The following IL6ST variants were observed in gnomAD, a reference collection of about 807,000 sequenced individuals.
The protein encoded by IL6ST is interleukin-6 receptor subunit beta.
Under a neutral mutation model 91.3 loss-of-function variants are expected in IL6ST, and 24 were observed. The observed-to-expected ratio is 0.26, with a 90% confidence interval of 0.19 to 0.37. The LOEUF (loss-of-function observed/expected upper bound fraction) is 0.37, where lower values mean the gene tolerates loss of function less well. Among genes scored for constraint, IL6ST ranks in the 10% least tolerant of loss-of-function variants. IL6ST has a pLI of 1.00. For synonymous variants in IL6ST, 351 were observed against 373.6 expected (o/e 0.94, Z 0.70); for missense variants, 914 against 1,078.5 (o/e 0.85, Z 2.14).
chr5:55,981,254 G>A (rs1040372107), intron 2 of IL6ST, among the ~76,000 whole-genome samples: 4 of 152,182 alleles, frequency 2.6e-5, no homozygotes, highest in South Asian at 4.1e-4. Flanking sequence ...TATGGGACTT[G>A]ATTTCATAGT....
intron 8 of IL6ST, chr5:55,959,675 T>C (rs1331586226): frequency 1.6e-6 from 2 of 1,289,364 alleles, no homozygotes; most frequent in Non-Finnish European, 2.0e-6. Context: ...TCAAGTGCTA[T>C]TAGAAAAAAA....
In IL6ST at chr5:55,960,578, C is replaced by T; in HGVS notation, c.814-17G>A. ...AGGAGGAATCTGAAACAAAGCAAAC[C>T]AAACAACAGAAAACCTCAATTAGTA... On this transcript the variant is annotated splice_polypyrimidine_tract_variant and intron_variant, in intron 7 of 16. Transcript: ENST00000381298. The T allele has an allele frequency of 6.3e-7, 1 of 1,598,272 alleles. No homozygotes were observed. The highest frequency in any genetic ancestry group is 2.2e-5 in the East Asian group (1 of 44,710).
chr5:55,952,745 G>A (rs995396700), intron 11 of IL6ST, among the ~76,000 whole-genome samples: 26 of 152,066 alleles, frequency 1.7e-4, no homozygotes, highest in African/African-American at 4.8e-5. Context: ...CCTAGTTTGC[G>A]AGTTGGAAAA....
Position 55,940,029 on chromosome 5 carries a change from T to TAA in IL6ST, c.*1051_*1052dup, listed in dbSNP as rs57519121. Reference sequence around the variant, plus strand: ...AAATCTTTGCCTACTTATTTAAAAATAAAAAAAATACTCAAAACAAATTTA... The same window carrying TAA: ...AAATCTTTGCCTACTTATTTAAAAATAAAAAAAAAATACTCAAAACAAATTTA... On this transcript the variant is annotated 3_prime_UTR_variant, in exon 17 of 17. Coordinates refer to ENST00000381298, the MANE Select transcript of IL6ST (RefSeq NM_002184.4). 2.5e-5 allele frequency: 5 copies of TAA among 197,296 alleles called. No individual in the cohort carries two copies. Among genetic ancestry groups the TAA allele is most frequent in the Non-Finnish European group, 5.2e-5 (5 of 95,244 alleles). 12.2% of individuals were successfully genotyped at this position (197,296 alleles called of 1,614,324 possible).
intron 14 of IL6ST, 92 bp downstream of exon 14, chr5:55,951,372 T>C (rs762188679): frequency 2.3e-5 from 22 of 942,122 alleles, no homozygotes; most frequent in Non-Finnish European, 3.4e-5. Context: ...AATCCAAAGA[T>C]GTACTTTTTA....
intron 2 of IL6ST, among the ~76,000 whole-genome samples, chr5:55,981,264 T>C (rs190765776): frequency 6.6e-6 from 1 of 152,288 alleles, no homozygotes; most frequent in Non-Finnish European, 1.5e-5. Context: ...GATTTCATAG[T>C]CCAAATCTAA....
chr5:55,943,172 C>CT (rs1379006265), intron 15 of IL6ST, among the ~76,000 whole-genome samples: 1 of 152,026 alleles, frequency 6.6e-6, no homozygotes, highest in Non-Finnish European at 1.5e-5. Context: ...GAGAATGGTG[C>CT]TTCAAAGAGT....
At position 55,951,997 on chromosome 5, in the gene IL6ST, A is replaced by C; in HGVS notation, c.1631T>G (p.Val544Gly). ...EAVLEWDQLP[V>G]DVQNGFIRNY... is the part of the protein sequence containing the mutation. ...TCTGATAAATCCATTCTGAACATCAACAGGAAGTTGGTCCCACTCTAAGAC... is the reference window on the plus strand; with the variant it reads ...TCTGATAAATCCATTCTGAACATCACCAGGAAGTTGGTCCCACTCTAAGAC... Residue 544 changes from valine to glycine, a missense_variant, in exon 13 of 17, where the codon GTT becomes GGT. Coordinates refer to ENST00000381298, the MANE Select transcript of IL6ST (RefSeq NM_002184.4). The C allele has an allele frequency of 1.3e-6, 2 of 1,587,656 alleles. No individual in the cohort carries two copies. Among genetic ancestry groups the C allele is most frequent in the Non-Finnish European group, 1.7e-6 (2 of 1,156,206 alleles).
At chr5:55,960,234 A>G (rs564131061) in intron 8 of IL6ST, among the ~76,000 whole-genome samples, 168 bp downstream of exon 8, 1 of 152,296 alleles carries the variant, frequency 6.6e-6, no homozygotes, top group Non-Finnish European at 1.5e-5. Flanking sequence ...TCAATGATCC[A>G]TATTCAATTT....
chr5:55,981,927 A>T (rs1753698369), intron 2 of IL6ST, among the ~76,000 whole-genome samples: 1 of 152,220 alleles, frequency 6.6e-6, no homozygotes, highest in Admixed American at 6.5e-5. Context: ...ATCATTCCTC[A>T]ACTATGGTGA....
chr5:55,994,077 G>C (rs1286562597), intron 1 of IL6ST: 1 of 137,460 alleles, frequency 7.3e-6, no homozygotes, highest in African/African-American at 2.7e-5. Context: ...AAAAGGTGAC[G>C]TCTTATTTTT....
chr5:55,964,454 T>A (rs1752523714), intron 5 of IL6ST, 142 bp from the exon 6 acceptor site: 1 of 536,028 alleles, frequency 1.9e-6, no homozygotes, highest in South Asian at 2.8e-5. Flanking sequence ...CTAACAAAAT[T>A]TCTTAAAAAT....
At chr5:55,943,238 T>C (rs932845152) in intron 15 of IL6ST, among the ~76,000 whole-genome samples, 1 of 152,044 alleles carries the variant, frequency 6.6e-6, no homozygotes, top group Non-Finnish European at 1.5e-5. Context: ...TTGGAAGTAA[T>C]ATAAAAAGTA....
At chr5:55,950,634 T>C (rs569077214) in intron 14 of IL6ST, among the ~76,000 whole-genome samples, 3 of 149,014 alleles carry the variant, frequency 2.0e-5, no homozygotes, top group East Asian at 4.0e-4. Flanking sequence ...AGAAAAAGTA[T>C]GGTTAGAAAA....
rs768796327 is a variant in IL6ST, at chr5:55,939,725, A to AT, written c.*1356dup. 14 of 208,724 alleles carry AT rather than the reference A, an allele frequency of 6.7e-5. No individual in the cohort carries two copies. Among genetic ancestry groups the AT allele is most frequent in the Non-Finnish European group, 1.3e-4 (13 of 102,412 alleles). The allele number at this position is 208,724 out of a possible 1,614,324, so 12.9% of individuals were successfully genotyped here. ...TCGCACGTGGTGGTTAGGGGACAGC[A>AT]TAAGTACACTAGCGGCTTTAGCACT... On this transcript the variant is annotated 3_prime_UTR_variant, in exon 17 of 17. Coordinates refer to ENST00000381298, the MANE Select transcript of IL6ST (RefSeq NM_002184.4).
chr5:55,947,597 A>AAAAT lies in IL6ST; in HGVS notation c.1841-9_1841-8insATTT, dbSNP rs1440351299. On this transcript the variant is annotated splice_polypyrimidine_tract_variant and intron_variant, in intron 14 of 16. Coordinates refer to ENST00000381298, the MANE Select transcript of IL6ST (RefSeq NM_002184.4). ...CTTCAATTTCTCCTTGAGCTTAAAAAAAAAAAAAAAAAAAAAAAAAGAGGT... is the reference window on the plus strand; with the variant it reads ...CTTCAATTTCTCCTTGAGCTTAAAAAAAATAAAAAAAAAAAAAAAAAAAAGAGGT... 2.3e-6 allele frequency: 3 copies of AAAAT among 1,288,572 alleles called. No homozygotes were observed. In the African/African-American group the frequency reaches 4.6e-5, roughly 20 times the overall value. 79.8% of individuals were successfully genotyped at this position (1,288,572 alleles called of 1,614,324 possible).
intron 15 of IL6ST, 39 bp downstream of exon 15, chr5:55,947,454 G>T: frequency 1.8e-6 from 2 of 1,085,426 alleles, no homozygotes; most frequent in Non-Finnish European, 2.8e-6. Flanking sequence ...GCTCAATAAA[G>T]CTGGGGGAAA....
chr5:55,977,986 G>A (rs1223292804), intron 2 of IL6ST, among the ~76,000 whole-genome samples: 2 of 150,890 alleles, frequency 1.3e-5, no homozygotes, highest in Non-Finnish European at 3.0e-5. Flanking sequence ...GCAACAAAGC[G>A]AAATTCTATT....
chr5:55,944,595 T>C, intron 15 of IL6ST: 1 of 599,386 alleles, frequency 1.7e-6, no homozygotes, highest in Non-Finnish European at 3.1e-6. Context: ...AAAGACTCAG[T>C]AGCGTTAAGA....
Sources: allele counts gnomAD v4.1 joint callset (sites outside exome capture counted in the v4.1 genomes callset), GRCh38; gene constraint gnomAD v4.1.1; transcripts MANE v1.5; gene names NCBI Gene and HGNC (gene_info 2026-07-23, HGNC 2026-07-21).